The following C6orf118 variants were observed in gnomAD, a reference collection of about 807,000 sequenced individuals.
The protein encoded by C6orf118 is uncharacterized protein C6orf118.
A neutral mutation model predicts 50.2 loss-of-function variants in C6orf118; 50 were observed. That is an observed-to-expected ratio of 1.00 (90% CI 0.79 to 1.26). The LOEUF is 1.26. Ranked by LOEUF, C6orf118 falls within the 50% of genes most tolerant of loss-of-function variation. C6orf118 has a pLI of 0.00. For synonymous variants in C6orf118, 239 were observed against 230.9 expected (o/e 1.03, Z -0.32); for missense variants, 641 against 578.7 (o/e 1.11, Z -1.10).
Position 165,302,053 on chromosome 6 carries a change from C to T in C6orf118, c.269G>A (p.Arg90His), listed in dbSNP as rs143539145. The T allele has an allele frequency of 6.1e-5, 99 of 1,613,580 alleles. No individual in the cohort carries two copies. Among genetic ancestry groups the T allele is most frequent in the Non-Finnish European group, 8.1e-5 (95 of 1,179,910 alleles). Residue 90 changes from arginine (R) to histidine (H), a missense_variant, in exon 2 of 9, where the codon CGC becomes CAC. Arg to His is a conservative substitution (Grantham distance 29). Transcript: ENST00000230301. ...WPNAHRPKGE[R>H]ASEVGEPPAG... ...GGGCGGCTCTCCCACCTCAGAGGCGCGCTCCCCCTTGGGCCGGTGGGCATT... is the reference window on the plus strand; with the variant it reads ...GGGCGGCTCTCCCACCTCAGAGGCGTGCTCCCCCTTGGGCCGGTGGGCATT...
At chr6:165,299,028 G>A (rs1780415600) in intron 4 of C6orf118, among the ~76,000 whole-genome samples, 1 of 152,142 alleles carries the variant, frequency 6.6e-6, no homozygotes, top group Admixed American at 6.5e-5. Flanking sequence ...ACCCGACCCT[G>A]GAAGGGAACA....
intron 6 of C6orf118, 26 bp downstream of exon 6, chr6:165,293,387 A>T (rs1562327927): frequency 1.2e-6 from 2 of 1,610,682 alleles, no homozygotes. Context: ...AGCACCCATA[A>T]GGAAGGACAT....
intron 3 of C6orf118, 109 bp from the exon 4 acceptor site, chr6:165,299,611 T>C: frequency 1.3e-6 from 1 of 785,364 alleles, no homozygotes; most frequent in Non-Finnish European, 2.1e-6. Flanking sequence ...TTAGATCATT[T>C]CAGAAAAATA....
chr6:165,299,390 A>G (rs2128162220), intron 4 of C6orf118, 53 bp downstream of exon 4: 1 of 1,524,252 alleles, frequency 6.6e-7, no homozygotes, highest in Non-Finnish European at 9.1e-7. Flanking sequence ...CTCATGAAAT[A>G]TGAAGCTATG....
intron 7 of C6orf118, among the ~76,000 whole-genome samples, chr6:165,283,182 C>T (rs972106966): frequency 2.0e-5 from 3 of 152,044 alleles, no homozygotes; most frequent in African/African-American, 2.4e-5. Flanking sequence ...GGGGTTGGCA[C>T]GACCCACAGA....
rs146166260 is a variant in C6orf118 at position 165,302,028 on chromosome 6, G to A, written c.294C>T (p.Pro98=). 33 of 1,613,306 alleles carry A rather than the reference G, an allele frequency of 2.0e-5. No individual in the cohort carries two copies. In the African/African-American group the frequency reaches 3.1e-4, roughly 15 times the overall value. ...CCTTCATCCTCGCCACCTTCCCTGC[G>A]GGCGGCTCTCCCACCTCAGAGGCGC... ...GERASEVGEP[P]AGKVARMKEA... Residue 98 remains proline, a synonymous_variant, in exon 2 of 9, where the codon CCC becomes CCT. Coordinates refer to ENST00000230301, the MANE Select transcript of C6orf118 (RefSeq NM_144980.4).
chr6:165,297,406 A>T (rs1410434290), intron 5 of C6orf118, among the ~76,000 whole-genome samples: 1 of 151,548 alleles, frequency 6.6e-6, no homozygotes, highest in Non-Finnish European at 1.5e-5. Flanking sequence ...TCCATTAAAA[A>T]AAAAAAAAAA....
chr6:165,293,327 A>G (rs1780170508), intron 6 of C6orf118, 86 bp downstream of exon 6: 1 of 1,218,928 alleles, frequency 8.2e-7, no homozygotes. Context: ...TTCCAAGTTG[A>G]CAGACAGGCA....
intron 5 of C6orf118, among the ~76,000 whole-genome samples, chr6:165,295,242 T>C (rs924884381): frequency 1.3e-5 from 2 of 152,232 alleles, no homozygotes; most frequent in Non-Finnish European, 2.9e-5. Flanking sequence ...TGATATAATT[T>C]TGACTTTTTC....
In C6orf118 at chr6:165,299,432, T is replaced by C. The variant is rs1780432011; in HGVS notation, c.936+11A>G. On this transcript the variant is annotated intron_variant, in intron 4 of 8. Transcript: ENST00000230301. ...CAGGCTCTATTCAGGCTCTTTGTGA[T>C]CGATCGTCACCTCGTACTGTGCTGC... The C allele has an allele frequency of 1.9e-6, 3 of 1,613,546 alleles. No individual in the cohort carries two copies. Among genetic ancestry groups the C allele is most frequent in the Admixed American group, 1.7e-5 (1 of 60,018 alleles).
At chr6:165,288,418 A>C (rs1693714579) in intron 7 of C6orf118, among the ~76,000 whole-genome samples, 1 of 152,194 alleles carries the variant, frequency 6.6e-6, no homozygotes, top group African/African-American at 2.4e-5. Context: ...TGACCCAGCA[A>C]ACCCAAATCC....
intron 5 of C6orf118, among the ~76,000 whole-genome samples, chr6:165,296,269 T>G (rs535559707): frequency 0.052 from 7,601 of 146,210 alleles, 394 homozygotes; most frequent in Non-Finnish European, 0.084. Flanking sequence ...TTTTTTTTTT[T>G]TTTTTTTTGC....
chr6:165,298,209 T>C, intron 4 of C6orf118, 108 bp from the exon 5 acceptor site: 1 of 1,352,262 alleles, frequency 7.4e-7, no homozygotes, highest in Non-Finnish European at 9.7e-7. Context: ...GGTTAACATA[T>C]AAGTTCTAGT....
intron 3 of C6orf118, 54 bp downstream of exon 3, chr6:165,300,310 A>C: frequency 6.2e-7 from 1 of 1,604,022 alleles, no homozygotes; most frequent in Non-Finnish European, 8.5e-7. Context: ...ATTCTTGTAC[A>C]CAGAACCTCA....
chr6:165,292,406 G>A (rs1037167274), intron 6 of C6orf118, among the ~76,000 whole-genome samples: 4 of 152,160 alleles, frequency 2.6e-5, no homozygotes, highest in African/African-American at 7.2e-5. Flanking sequence ...GATCAAACAC[G>A]AAGAAAGATT....
At chr6:165,286,770 C>G (rs570900781) in intron 7 of C6orf118, among the ~76,000 whole-genome samples, 16 of 152,180 alleles carry the variant, frequency 1.1e-4, no homozygotes, top group African/African-American at 3.1e-4. Context: ...TTGATGAACA[C>G]ATCTCAAAAT....
In C6orf118 at chr6:165,301,966, A is replaced by C. The variant is rs1053621216; in HGVS notation, c.356T>G (p.Val119Gly). The change falls in exon 2 of 9, where the codon GTC becomes GGC. Residue 119 changes from valine to glycine, a missense_variant. Physicochemically the swap from Val to Gly is moderately radical, Grantham distance 109 (BLOSUM62 -3). Transcript: ENST00000230301. Reference protein sequence around the residue: ...LAHFTIHTALVPSEAQDTPLF... With the variant: ...LAHFTIHTALGPSEAQDTPLF... ...CGGGGTGTCCTGGGCCTCACTGGGG[A>C]CCAGGGCCGTGTGGATGGTGAAGTG... 3 of 1,613,634 alleles carry C rather than the reference A, an allele frequency of 1.9e-6. No individual in the cohort carries two copies. The highest frequency in any genetic ancestry group is 2.5e-6 in the Non-Finnish European group (3 of 1,179,988).
Position 165,299,471 on chromosome 6 carries a change from A to G in C6orf118, c.908T>C (p.Leu303Pro). The part of the protein sequence containing the change: ...DEYELYMATL[L>P]ESQPAAQYEA... ...GTACTGTGCTGCAGGCTGGGACTCC[A>G]GGAGCGTTGCCATGTAGAGTTCATA... The change falls in exon 4 of 9, where the codon CTG (leucine) becomes CCG (proline). Residue 303 changes from leucine to proline, a missense_variant. Leu to Pro is a moderately conservative substitution (Grantham distance 98). Transcript: ENST00000230301. 1 of 1,614,168 alleles carries G rather than the reference A, an allele frequency of 6.2e-7. No individual in the cohort carries two copies. The highest frequency in any genetic ancestry group is 8.5e-7 in the Non-Finnish European group (1 of 1,180,024).
intron 4 of C6orf118, among the ~76,000 whole-genome samples, chr6:165,299,165 T>C (rs1051841727): frequency 6.6e-6 from 1 of 152,154 alleles, no homozygotes; most frequent in African/African-American, 2.4e-5. Context: ...TTTTTGGAAA[T>C]TACTGGAAGA....
Sources: allele counts gnomAD v4.1 joint callset (sites outside exome capture counted in the v4.1 genomes callset), GRCh38; gene constraint gnomAD v4.1.1; transcripts MANE v1.5; gene names NCBI Gene and HGNC (gene_info 2026-07-23, HGNC 2026-07-21).